Variants in MRPL49 observed in about 807,000 individuals in gnomAD.
MRPL49 encodes mitochondrial ribosomal protein L49.
Under a neutral mutation model 18.4 loss-of-function variants are expected in MRPL49, and 14 were observed. The observed-to-expected ratio is 0.76, with a 90% confidence interval of 0.50 to 1.19. MRPL49 has a LOEUF of 1.19. Ranked by LOEUF, MRPL49 falls within the 50% of genes most tolerant of loss-of-function variation. MRPL49 has a pLI of 0.00. For missense variants in MRPL49, 190 were observed against 217.8 expected (o/e 0.87, Z 0.80); for synonymous variants, 104 against 86.2 (o/e 1.21, Z -1.14).
chr11:65,122,495 C>T (rs1261002132), intron 1 of MRPL49, 71 bp downstream of exon 1: 2 of 1,442,526 alleles, frequency 1.4e-6, no homozygotes, highest in Admixed American at 2.0e-5. Flanking sequence ...TTGTTAACCC[C>T]GAAAACTAAG....
chr11:65,124,640 C>A lies in MRPL49; in HGVS notation c.217C>A (p.Gln73Lys), dbSNP rs760034544. Residue 73 changes from glutamine (Q) to lysine (K), a missense_variant, in exon 2 of 4, where the codon CAG becomes AAG. Coordinates refer to ENST00000279242, the MANE Select transcript of MRPL49 (RefSeq NM_004927.4). Reference sequence around the variant, plus strand: ...ACATTATCCTACCCCTAGTGGCTGGCAGCCTCCCAGAGGTGAGCTGGGTGG... The same window carrying A: ...ACATTATCCTACCCCTAGTGGCTGGAAGCCTCCCAGAGGTGAGCTGGGTGG... ...HEHYPTPSGWQPPRDPPPNLP... is the reference protein window; with the variant it reads ...HEHYPTPSGWKPPRDPPPNLP... 1.2e-6 allele frequency: 2 copies of A among 1,613,926 alleles called. No homozygotes were observed. The highest frequency in any genetic ancestry group is 2.7e-5 in the African/African-American group (2 of 74,926).
intron 1 of MRPL49, 83 bp from the exon 2 acceptor site, chr11:65,124,419 T>C (rs974032817): frequency 3.8e-6 from 5 of 1,322,438 alleles, no homozygotes. Flanking sequence ...CTGCCTGTAA[T>C]GTTTCCATTC....
chr11:65,125,397 C>T, intron 2 of MRPL49, 91 bp from the exon 3 acceptor site: 1 of 1,551,064 alleles, frequency 6.4e-7, no homozygotes, highest in Non-Finnish European at 8.8e-7. Context: ...GCTGGGTGCA[C>T]TGGCCCTCTG....
In MRPL49 at chr11:65,126,881, C is replaced by T. The variant is rs1167262718; in HGVS notation, c.*1009C>T. 6.7e-6 allele frequency: 4 copies of T among 595,202 alleles called. No homozygotes were observed. Among genetic ancestry groups the T allele is most frequent in the Non-Finnish European group, 1.2e-5 (4 of 332,316 alleles). The allele number at this position is 595,202 out of a possible 1,614,324, so 36.9% of individuals were successfully genotyped here. The stretch of plus-strand genomic sequence containing the variant: ...GCAGCCTTCTGACCTGCAATCAAGG[C>T]TGGGGAGGGGTTTGCAGGCAGGAAT... On this transcript the variant is annotated 3_prime_UTR_variant, in exon 4 of 4. Transcript: ENST00000279242.
chr11:65,126,825 G>A lies in MRPL49; in HGVS notation c.*953G>A, dbSNP rs1948107169. 1.8e-6 allele frequency: 1 copy of A among 565,090 alleles called. No individual in the cohort carries two copies. The highest frequency in any genetic ancestry group is 1.9e-5 in the African/African-American group (1 of 52,822). The allele number at this position is 565,090 out of a possible 1,614,324, so 35.0% of individuals were successfully genotyped here. A position where few individuals can be genotyped will look rare whatever the true frequency, so the allele number is the denominator to read the frequency against. ...GGCCTGACCACAAGGGAGTGGCTGG[G>A]AACTCACAGCCAGCATAGGGACATC... On this transcript the variant is annotated 3_prime_UTR_variant, in exon 4 of 4. Transcript: ENST00000279242.
chr11:65,125,927 C>A lies in MRPL49; in HGVS notation c.*55C>A. ...TGCCCTGTGGATCAAGTCTAGGGGG[C>A]CTCAGGAGGAGGGAGGTGGGTGTTG... On this transcript the variant is annotated 3_prime_UTR_variant, in exon 4 of 4. Coordinates refer to ENST00000279242, the MANE Select transcript of MRPL49 (RefSeq NM_004927.4). 1 of 1,544,624 alleles carries A rather than the reference C, an allele frequency of 6.5e-7. No individual in the cohort carries two copies.
intron 2 of MRPL49, 110 bp downstream of exon 2, chr11:65,124,762 T>C: frequency 2.4e-6 from 3 of 1,253,674 alleles, no homozygotes; most frequent in Admixed American, 2.5e-5. Flanking sequence ...TCAGGACTCA[T>C]TTTGCAATCC....
In MRPL49 at chr11:65,125,129, T is replaced by A. The variant is rs149058269; in HGVS notation, c.230-359T>A. Reference sequence around the variant, plus strand: ...AGCCCAGCATATGGTAGGTGCTCAGTGCTTGCAAATCCCAATCTCTTTGTT... The same window carrying A: ...AGCCCAGCATATGGTAGGTGCTCAGAGCTTGCAAATCCCAATCTCTTTGTT... On this transcript the variant is annotated intron_variant, in intron 2 of 3. Coordinates refer to ENST00000279242, the MANE Select transcript of MRPL49 (RefSeq NM_004927.4). The A allele has an allele frequency of 2.2e-4, 75 of 348,092 alleles. No individual in the cohort carries two copies. In the East Asian group the frequency reaches 5.4e-3, roughly 25 times the overall value. The allele number at this position is 348,092 out of a possible 1,614,324, so 21.6% of individuals were successfully genotyped here.
chr11:65,125,710 T>A lies in MRPL49; in HGVS notation c.355-16T>A, dbSNP rs755732756. The A allele has an allele frequency of 6.2e-7, 1 of 1,613,496 alleles. No homozygotes were observed. The highest frequency in any genetic ancestry group is 1.1e-5 in the South Asian group (1 of 91,050). On this transcript the variant is annotated splice_polypyrimidine_tract_variant and intron_variant, in intron 3 of 3. Transcript: ENST00000279242. ...AAGGGACTCTTGGCCTGACCTGATTTGTCATCTTTCCCCAGGCCCTGCAGA... is the reference window on the plus strand; with the variant it reads ...AAGGGACTCTTGGCCTGACCTGATTAGTCATCTTTCCCCAGGCCCTGCAGA...
intron 1 of MRPL49, among the ~76,000 whole-genome samples, chr11:65,124,048 C>T (rs893757294): frequency 1.3e-5 from 2 of 152,040 alleles, no homozygotes; most frequent in Non-Finnish European, 2.9e-5. Flanking sequence ...CCACCATGCC[C>T]GGCTAATTTT....
At chr11:65,125,279 A>C (rs180765133) in intron 2 of MRPL49, 2 of 562,188 alleles carry the variant, frequency 3.6e-6, no homozygotes, top group East Asian at 6.6e-5. Flanking sequence ...ACTTAGTGCC[A>C]GGCCCTGTGT....
chr11:65,127,071 G>A lies in MRPL49; in HGVS notation c.*1199G>A, dbSNP rs1948110386. On this transcript the variant is annotated 3_prime_UTR_variant, in exon 4 of 4. Coordinates refer to ENST00000279242, the MANE Select transcript of MRPL49 (RefSeq NM_004927.4). The stretch of plus-strand genomic sequence containing the variant: ...GACTCCCCAACTTGGTCTCTGCCCT[G>A]AAGCAGGGCACTGAACTCTGGGCTG... The A allele has an allele frequency of 1.4e-6, 1 of 702,294 alleles. No individual in the cohort carries two copies. Among genetic ancestry groups the A allele is most frequent in the Non-Finnish European group, 2.6e-6 (1 of 384,892 alleles). The allele number at this position is 702,294 out of a possible 1,614,324, so 43.5% of individuals were successfully genotyped here. A position where few individuals can be genotyped will look rare whatever the true frequency, so the allele number is the denominator to read the frequency against.
In MRPL49 at chr11:65,125,622, T is replaced by G. The variant is rs199805045; in HGVS notation, c.354+10T>G. 6.5e-6 allele frequency: 5 copies of G among 763,728 alleles called. No homozygotes were observed. The African/African-American group carries it at 8.9e-5, about 14-fold the overall frequency. 47.3% of individuals were successfully genotyped at this position (763,728 alleles called of 1,614,324 possible). ...GGAAGGGGACATCTGGGTAAGTGGGTGGGTGGGTCTGGGACTGGGCCTGAC... is the reference window on the plus strand; with the variant it reads ...GGAAGGGGACATCTGGGTAAGTGGGGGGGTGGGTCTGGGACTGGGCCTGAC... On this transcript the variant is annotated intron_variant, in intron 3 of 3. Transcript: ENST00000279242.
intron 2 of MRPL49, chr11:65,125,086 A>C (rs1442738718): frequency 3.3e-6 from 1 of 303,252 alleles, no homozygotes; most frequent in East Asian, 8.7e-5. Context: ...TGCTCAGTAC[A>C]TAGAGCCCTT....
intron 1 of MRPL49, among the ~76,000 whole-genome samples, chr11:65,123,346 A>G (rs914079882): frequency 9.2e-5 from 14 of 152,340 alleles, no homozygotes; most frequent in Non-Finnish European, 1.5e-4. Flanking sequence ...TCTTATGTCA[A>G]CCTAAATAAC....
At position 65,123,495 on chromosome 11, in the gene MRPL49, G is replaced by T. The variant is rs146484147; in HGVS notation, c.79-1007G>T. On this transcript the variant is annotated intron_variant, in intron 1 of 3. Transcript: ENST00000279242. ...CACGCCTGTAATCCCAGCACTTTGG[G>T]AGGCCAAGGCGCGTAGATCACCTGG... Among the ~76,000 whole-genome samples, 252 of 152,382 alleles carry T rather than the reference G, an allele frequency of 1.7e-3. 1 individual carries two copies. The highest frequency in any genetic ancestry group is 2.7e-3 in the Non-Finnish European group (186 of 68,044).
At chr11:65,125,050 C>G in intron 2 of MRPL49, 1 of 258,418 alleles carries the variant, frequency 3.9e-6, no homozygotes, top group Non-Finnish European at 7.4e-6. Context: ...CTTGACCCAA[C>G]CTGTTTTAGC....
rs1344753776 is a variant in MRPL49 at position 65,122,547 on chromosome 11, G to A, written c.78+123G>A. Reference sequence around the variant, plus strand: ...CCTTAGTTTTGCCGTTTTCGATCAGGAGAACTTGTCCCGAGTGTACATATA... The same window carrying A: ...CCTTAGTTTTGCCGTTTTCGATCAGAAGAACTTGTCCCGAGTGTACATATA... On this transcript the variant is annotated intron_variant, in intron 1 of 3. Coordinates refer to ENST00000279242, the MANE Select transcript of MRPL49 (RefSeq NM_004927.4). 6.9e-6 allele frequency: 6 copies of A among 873,906 alleles called. No homozygotes were observed. The East Asian group carries it at 1.1e-4, about 16-fold the overall frequency. 54.1% of individuals were successfully genotyped at this position (873,906 alleles called of 1,614,324 possible).
At chr11:65,123,735 A>G (rs1367394864) in intron 1 of MRPL49, among the ~76,000 whole-genome samples, 1 of 152,172 alleles carries the variant, frequency 6.6e-6, no homozygotes, top group Non-Finnish European at 1.5e-5. Context: ...CTCTATCTAA[A>G]AAAATAATAA....
Sources: allele counts gnomAD v4.1 joint callset (sites outside exome capture counted in the v4.1 genomes callset), GRCh38; gene constraint gnomAD v4.1.1; transcripts MANE v1.5; gene names NCBI Gene and HGNC (gene_info 2026-07-23, HGNC 2026-07-21).